Variants in ALDH1L1 observed in about 807,000 individuals in gnomAD.
ALDH1L1 encodes cytosolic 10-formyltetrahydrofolate dehydrogenase.
In ALDH1L1, 68 loss-of-function variants were observed where a neutral mutation model predicts 101.1. The ratio of observed to expected loss-of-function variants is 0.67; its 90% CI spans 0.55 to 0.82. The LOEUF (loss-of-function observed/expected upper bound fraction) is 0.82. ALDH1L1 is among the 40% of genes least tolerant of loss of function. The pLI is 0.00. For missense variants in ALDH1L1, 1,087 were observed against 1,172.7 expected (o/e 0.93, Z 1.07); for synonymous variants, 486 against 470.8 (o/e 1.03, Z -0.42).
intron 9 of ALDH1L1, among the ~76,000 whole-genome samples, chr3:126,138,499 A>C (rs6800400): frequency 0.22 from 34,089 of 152,136 alleles, 4,670 homozygotes; most frequent in African/African-American, 0.39. Flanking sequence ...AAAAGGAGAA[A>C]TATGGACGGC....
intron 2 of ALDH1L1, chr3:126,159,716 G>T (rs1253776600): frequency 2.7e-6 from 1 of 368,502 alleles, no homozygotes; most frequent in African/African-American, 2.1e-5. Context: ...CTGGGTCCAG[G>T]GTCAGCAGCT....
chr3:126,127,120 G>A (rs1276225449), intron 14 of ALDH1L1, among the ~76,000 whole-genome samples: 1 of 152,206 alleles, frequency 6.6e-6, no homozygotes, highest in African/African-American at 2.4e-5. Context: ...CCATTGATTA[G>A]GCCCTGGATT....
chr3:126,186,416 C>T (rs1254114105), upstream of ALDH1L1, among the ~76,000 whole-genome samples: 8 of 152,160 alleles, frequency 5.3e-5, no homozygotes, highest in East Asian at 1.9e-4. Context: ...GTGAGCAGAA[C>T]GTGGCACTGG....
intron 12 of ALDH1L1, among the ~76,000 whole-genome samples, chr3:126,134,813 C>T (rs1253214430): frequency 6.6e-6 from 1 of 152,206 alleles, no homozygotes; most frequent in African/African-American, 2.4e-5. Context: ...GCGAAAGAGC[C>T]AGGCCCCAAG....
Position 126,109,939 on chromosome 3 carries a change from C to T in ALDH1L1, c.2347+5G>A, listed in dbSNP as rs41265741. 4,016 of 1,613,548 alleles carry T rather than the reference C, an allele frequency of 2.5e-3. 13 individuals are homozygous for T. The highest frequency in any genetic ancestry group is 6.3e-3 in the Middle Eastern group (38 of 6,040). On this transcript the variant is annotated splice_donor_5th_base_variant and intron_variant, in intron 20 of 22. Coordinates refer to ENST00000393434, the MANE Select transcript of ALDH1L1 (RefSeq NM_012190.4). Reference sequence around the variant, plus strand: ...CCCAAGCGGACCTGACACACTCTGACTCACCTGGCCGAGGGACCTGATTCC... The same window carrying T: ...CCCAAGCGGACCTGACACACTCTGATTCACCTGGCCGAGGGACCTGATTCC...
At chr3:126,114,819 C>A in intron 17 of ALDH1L1, 163 bp from the exon 18 acceptor site, 1 of 671,332 alleles carries the variant, frequency 1.5e-6, no homozygotes, top group Non-Finnish European at 2.7e-6. Context: ...CGGCTTCACA[C>A]GGCCACCTGC....
intron 12 of ALDH1L1, 65 bp from the exon 13 acceptor site, chr3:126,131,599 A>G: frequency 6.5e-7 from 1 of 1,533,060 alleles, no homozygotes; most frequent in Non-Finnish European, 8.9e-7. Flanking sequence ...TGCCCTCACA[A>G]GGCCCTTCTT....
rs780671030 is a variant in ALDH1L1, at chr3:126,112,829, G to A, written c.2134C>T (p.Arg712Ter). The change falls in exon 19 of 23, where the codon CGA becomes TGA. Residue 712 changes from arginine to a stop codon, truncating the protein, a stop_gained. Transcript: ENST00000393434. LOFTEE classifies it high-confidence loss of function. ...NKGENCIAAG[R>*]LFVEDSIHDE... ...TGAATGGAGTCCTCCACAAAGAGTCGGCCTGCTGCAATGCAATTCTCTCCT... is the reference window on the plus strand; with the variant it reads ...TGAATGGAGTCCTCCACAAAGAGTCAGCCTGCTGCAATGCAATTCTCTCCT... The A allele has an allele frequency of 6.9e-5, 111 of 1,613,490 alleles. 1 individual carries two copies. The highest frequency in any genetic ancestry group is 4.4e-5 in the South Asian group (4 of 91,078).
intron 22 of ALDH1L1, 92 bp downstream of exon 22, chr3:126,105,634 G>A (rs761238899): frequency 7.1e-7 from 1 of 1,412,300 alleles, no homozygotes; most frequent in Admixed American, 1.7e-5. Context: ...CTACGTCCCT[G>A]CATCTGAGAT....
rs1559914143 is a variant in ALDH1L1, at chr3:126,109,934, T to A, written c.2347+10A>T. 4.3e-6 allele frequency: 7 copies of A among 1,613,340 alleles called. No individual in the cohort carries two copies. The highest frequency in any genetic ancestry group is 5.9e-6 in the Non-Finnish European group (7 of 1,179,852). ...ATTGACCCAAGCGGACCTGACACACTCTGACTCACCTGGCCGAGGGACCTG... is the reference window on the plus strand; with the variant it reads ...ATTGACCCAAGCGGACCTGACACACACTGACTCACCTGGCCGAGGGACCTG... On this transcript the variant is annotated intron_variant, in intron 20 of 22. Transcript: ENST00000393434.
chr3:126,119,786 GA>G, intron 16 of ALDH1L1, among the ~76,000 whole-genome samples: 1 of 152,256 alleles, frequency 6.6e-6, no homozygotes, highest in East Asian at 1.9e-4. Flanking sequence ...TCAACAATAA[GA>G]AAACAAACAA....
chr3:126,107,008 GGTGTCC>G lies in ALDH1L1; in HGVS notation c.2453+127_2453+132del, dbSNP rs112410557. The G allele has an allele frequency of 3.3e-5, 25 of 764,832 alleles. No individual in the cohort carries two copies. The African/African-American group carries it at 3.8e-4, about 12-fold the overall frequency. 47.4% of individuals were successfully genotyped at this position (764,832 alleles called of 1,614,324 possible). On this transcript the variant is annotated intron_variant, in intron 21 of 22. Transcript: ENST00000393434. ...GAGACTCAGCAGGCGGCACAAGCGG[GGTGTCC>G]ACGGCTTGCGCCCTGCCTGAGTTCT...
At position 126,150,546 on chromosome 3, in the gene ALDH1L1, ATTTCT is replaced by A. The variant is rs142399358; in HGVS notation, c.859-20_859-16del. ...TTCACCAGCAGCTGCAAAAGGAAGG[ATTTCT>A]TTTCTTTTCTTTTCTTTTTTTGAGA... On this transcript the variant is annotated splice_polypyrimidine_tract_variant and intron_variant, in intron 7 of 22. Transcript: ENST00000393434. 19,868 of 1,548,144 alleles carry A rather than the reference ATTTCT, an allele frequency of 0.013. 857 individuals are homozygous for A. In the African/African-American group the frequency reaches 0.14, roughly 11 times the overall value.
At chr3:126,184,990 C>T (rs2081505487), upstream of ALDH1L1, among the ~76,000 whole-genome samples, 1 of 152,184 alleles carries the variant, frequency 6.6e-6, no homozygotes, top group Non-Finnish European at 1.5e-5. Context: ...ACCTGATCCC[C>T]ACCCCTTAGA....
chr3:126,154,504 G>A, intron 6 of ALDH1L1, 50 bp downstream of exon 6: 2 of 1,559,952 alleles, frequency 1.3e-6, no homozygotes, highest in South Asian at 2.2e-5. Flanking sequence ...TTAATGGCCA[G>A]TGGGATACAC....
chr3:126,116,358 C>T (rs992166338), intron 17 of ALDH1L1, among the ~76,000 whole-genome samples: 2 of 151,828 alleles, frequency 1.3e-5, no homozygotes, highest in South Asian at 2.1e-4. Flanking sequence ...CTCAGCCTCC[C>T]GAGTAGCTGG....
At chr3:126,191,223 G>C (rs937527284) in intron 1 of ALDH1L1, among the ~76,000 whole-genome samples, 3 of 152,196 alleles carry the variant, frequency 2.0e-5, no homozygotes, top group Non-Finnish European at 4.4e-5. Flanking sequence ...GCTGAAAAAT[G>C]CTGAATTTGA....
intron 1 of ALDH1L1, among the ~76,000 whole-genome samples, chr3:126,188,342 G>A (rs1233435687): frequency 6.6e-6 from 1 of 152,212 alleles, no homozygotes; most frequent in African/African-American, 2.4e-5. Flanking sequence ...GTATTCATGG[G>A]TTTCACAGAG....
intron 1 of ALDH1L1, among the ~76,000 whole-genome samples, chr3:126,174,265 G>A (rs1295906992): frequency 6.6e-6 from 1 of 152,150 alleles, no homozygotes; most frequent in Admixed American, 6.5e-5. Context: ...CCTGACCTCA[G>A]GTGATCTGCC....
Sources: allele counts gnomAD v4.1 joint callset (sites outside exome capture counted in the v4.1 genomes callset), GRCh38; gene constraint gnomAD v4.1.1; transcripts MANE v1.5; gene names NCBI Gene and HGNC (gene_info 2026-07-23, HGNC 2026-07-21).